The following ITGB8 variants were observed in gnomAD, a reference collection of about 807,000 sequenced individuals.
The protein encoded by ITGB8 is integrin beta-8.
ITGB8 carries 30 observed loss-of-function variants against 89.5 expected under a neutral mutation model. The ratio of observed to expected loss-of-function variants is 0.34; its 90% CI spans 0.25 to 0.45. The LOEUF (loss-of-function observed/expected upper bound fraction) is 0.45. Among genes scored for constraint, ITGB8 ranks in the 20% least tolerant of loss-of-function variants. The pLI, the probability that ITGB8 is intolerant of heterozygous loss-of-function variation, is 1.00. For missense variants in ITGB8, 836 were observed against 933.3 expected (o/e 0.90, Z 1.36); for synonymous variants, 335 against 320.4 (o/e 1.05, Z -0.49).
intron 1 of ITGB8, among the ~76,000 whole-genome samples, chr7:20,353,732 G>C (rs2128132626): frequency 6.8e-6 from 1 of 147,320 alleles, no homozygotes; most frequent in South Asian, 2.1e-4. Context: ...AGGAGATCGA[G>C]ACCATCCTGG....
At chr7:20,399,962 T>C (rs1161730548) in intron 9 of ITGB8, among the ~76,000 whole-genome samples, 2 of 152,234 alleles carry the variant, frequency 1.3e-5, no homozygotes, top group Non-Finnish European at 2.9e-5. Flanking sequence ...GAGCTGTGTA[T>C]TTTAAATTAA....
Position 20,379,062 on chromosome 7 carries a change from A to G in ITGB8, c.400A>G (p.Asn134Asp). 1 of 1,585,018 alleles carries G rather than the reference A, an allele frequency of 6.3e-7. No homozygotes were observed. Among genetic ancestry groups the G allele is most frequent in the Non-Finnish European group, 8.6e-7 (1 of 1,166,516 alleles). Residue 134 changes from asparagine to aspartate, a missense_variant, in exon 4 of 14, where the codon AAT (asparagine) becomes GAT (aspartate). Physicochemically the swap from Asn to Asp is conservative, Grantham distance 23 (BLOSUM62 1). Coordinates refer to ENST00000222573, the MANE Select transcript of ITGB8 (RefSeq NM_002214.3). ...SIQLRPGAEA[N>D]FMLKVHPLKK... The stretch of plus-strand genomic sequence containing the variant: ...TTCTATTGAACTAGGAGCCGAAGCT[A>G]ATTTTATGCTGAAAGTTCATCCTCT...
At chr7:20,406,783 CTAG>C (rs1290467261) in intron 12 of ITGB8, among the ~76,000 whole-genome samples, 1 of 152,106 alleles carries the variant, frequency 6.6e-6, no homozygotes, top group Non-Finnish European at 1.5e-5. Context: ...TGTCTCTTAA[CTAG>C]TAATGTTAAG....
intron 1 of ITGB8, among the ~76,000 whole-genome samples, chr7:20,359,309 TA>T (rs139690315): frequency 0.029 from 4,459 of 152,252 alleles, 92 homozygotes; most frequent in East Asian, 0.11. Flanking sequence ...TTGGGATCAA[TA>T]AAAAATAATC....
At chr7:20,346,422 A>C (rs1784925464) in intron 1 of ITGB8, among the ~76,000 whole-genome samples, 1 of 152,182 alleles carries the variant, frequency 6.6e-6, no homozygotes, top group Non-Finnish European at 1.5e-5. Flanking sequence ...AGGGATTAGA[A>C]TGTGTTGGGG....
intron 3 of ITGB8, among the ~76,000 whole-genome samples, chr7:20,375,282 T>G (rs1311776019): frequency 2.6e-5 from 4 of 152,130 alleles, no homozygotes; most frequent in African/African-American, 9.7e-5. Flanking sequence ...TGGTCTTACC[T>G]ATGTTTAGTG....
intron 6 of ITGB8, 70 bp from the exon 7 acceptor site, chr7:20,391,333 C>T (rs1786844353): frequency 4.2e-6 from 3 of 711,038 alleles, no homozygotes; most frequent in Non-Finnish European, 6.8e-6. Context: ...CAGTTTTCTT[C>T]ATATTAGATG....
chr7:20,353,081 T>C (rs1394544580), intron 1 of ITGB8: 1 of 152,258 alleles, frequency 6.6e-6, no homozygotes, highest in East Asian at 1.9e-4. Context: ...CCTAGAGTTT[T>C]GATTTATGCC....
chr7:20,392,317 T>C (rs979868706), intron 7 of ITGB8, among the ~76,000 whole-genome samples: 1 of 152,176 alleles, frequency 6.6e-6, no homozygotes, highest in Non-Finnish European at 1.5e-5. Flanking sequence ...ACATTTCCCC[T>C]CAGTGGCCAG....
chr7:20,364,992 G>T (rs920361011), intron 2 of ITGB8: 2 of 152,136 alleles, frequency 1.3e-5, no homozygotes, highest in Non-Finnish European at 2.9e-5. Flanking sequence ...GGGTAGTTTG[G>T]AAGAGCCTTC....
rs1787837605 is a variant in ITGB8 at position 20,413,605 on chromosome 7, A to G, written c.*3608A>G. On this transcript the variant is annotated 3_prime_UTR_variant, in exon 14 of 14. Coordinates refer to ENST00000222573, the MANE Select transcript of ITGB8 (RefSeq NM_002214.3). ...AGCTTAATAAGCCTAATAGTGAAAAATAACTGAATTTAATGGTATAATGAA... is the reference window on the plus strand; with the variant it reads ...AGCTTAATAAGCCTAATAGTGAAAAGTAACTGAATTTAATGGTATAATGAA... The G allele has an allele frequency of 6.6e-6, 1 of 152,162 alleles. No homozygotes were observed. The highest frequency in any genetic ancestry group is 1.5e-5 in the Non-Finnish European group (1 of 67,936). 9.4% of individuals were successfully genotyped at this position (152,162 alleles called of 1,614,324 possible).
chr7:20,330,093 C>T (rs940632072), upstream of ITGB8, among the ~76,000 whole-genome samples: 2 of 152,194 alleles, frequency 1.3e-5, no homozygotes, highest in Admixed American at 1.3e-4. Flanking sequence ...CTGTAACTTG[C>T]AAAAGCCCAG....
At chr7:20,345,379 A>C (rs1784889897) in intron 1 of ITGB8, among the ~76,000 whole-genome samples, 1 of 85,886 alleles carries the variant, frequency 1.2e-5, no homozygotes, top group Non-Finnish European at 2.2e-5. Flanking sequence ...ATTTTGGAGG[A>C]GGACAGACAA....
Position 20,411,118 on chromosome 7 carries a change from G to T in ITGB8, c.*1121G>T, listed in dbSNP as rs1011497679. 6.1e-5 allele frequency: 9 copies of T among 148,402 alleles called. No homozygotes were observed. The highest frequency in any genetic ancestry group is 2.2e-4 in the African/African-American group (9 of 40,370). The allele number at this position is 148,402 out of a possible 1,614,324, so 9.2% of individuals were successfully genotyped here. On this transcript the variant is annotated 3_prime_UTR_variant, in exon 14 of 14. Coordinates refer to ENST00000222573, the MANE Select transcript of ITGB8 (RefSeq NM_002214.3). ...CCAGAATTCATAAAAGTACAAAATT[G>T]GAGAATAGATGATATCTTAGAAATA...
chr7:20,345,886 T>C (rs755003008), intron 1 of ITGB8, among the ~76,000 whole-genome samples: 1 of 152,166 alleles, frequency 6.6e-6, no homozygotes, highest in Non-Finnish European at 1.5e-5. Context: ...GCATCTTGTA[T>C]TGCAAAGATG....
chr7:20,381,796 G>A lies in ITGB8; in HGVS notation c.871G>A (p.Ala291Thr), dbSNP rs977987906. 2 of 1,613,870 alleles carry A rather than the reference G, an allele frequency of 1.2e-6. No individual in the cohort carries two copies. Among genetic ancestry groups the A allele is most frequent in the South Asian group, 1.1e-5 (1 of 91,068 alleles). Residue 291 changes from alanine (A) to threonine (T), a missense_variant, in exon 6 of 14, where the codon GCT becomes ACT. Physicochemically the swap from Ala to Thr is moderately conservative, Grantham distance 58. Transcript: ENST00000222573. Reference sequence around the variant, plus strand: ...GATGACAGATCAGACGTCTCATCTCGCTCTTGATAGCAAATTGGCAGGCAT... The same window carrying A: ...GATGACAGATCAGACGTCTCATCTCACTCTTGATAGCAAATTGGCAGGCAT... ...LVMTDQTSHL[A>T]LDSKLAGIVV...
chr7:20,347,110 C>G (rs1271804158), intron 1 of ITGB8, among the ~76,000 whole-genome samples: 1 of 152,290 alleles, frequency 6.6e-6, no homozygotes, highest in Non-Finnish European at 1.5e-5. Flanking sequence ...GGAAGGCTCC[C>G]TCGCCATACC....
chr7:20,365,007 G>C (rs1276755122), intron 2 of ITGB8: 1 of 152,216 alleles, frequency 6.6e-6, no homozygotes, highest in Non-Finnish European at 1.5e-5. Flanking sequence ...GCCTTCAAAA[G>C]ATAGTACAGA....
intron 3 of ITGB8, among the ~76,000 whole-genome samples, chr7:20,371,255 A>G (rs1027819412): frequency 1.3e-5 from 2 of 152,202 alleles, no homozygotes; most frequent in African/African-American, 4.8e-5. Context: ...CCTTCTCAAA[A>G]GTATACATAA....
Sources: gnomAD v4.1 joint callset for allele counts (sites outside exome capture counted in the v4.1 genomes callset) on GRCh38, gnomAD v4.1.1 for gene constraint, MANE v1.5 for transcripts, NCBI Gene and HGNC (gene_info 2026-07-23, HGNC 2026-07-21) for gene names.